SYNJ1: variants seen among roughly 807,000 people sequenced by gnomAD.
The protein encoded by SYNJ1 is polyphosphatidylinositol phosphatase SYNJ1.
SYNJ1 carries 78 observed loss-of-function variants against 168.2 expected under a neutral mutation model. The observed-to-expected ratio is 0.46, with a 90% CI of 0.39 to 0.56. The LOEUF (loss-of-function observed/expected upper bound fraction) is 0.56. SYNJ1 is among the 20% of genes least tolerant of loss of function. The probability of loss-of-function intolerance (pLI) is 0.00; values close to 1 mark genes in which losing one functional copy is unlikely to be tolerated. For missense variants in SYNJ1, 1,303 were observed against 1,597.6 expected (o/e 0.82, Z 3.14); for synonymous variants, 539 against 548.6 (o/e 0.98, Z 0.24).
intron 12 of SYNJ1, among the ~76,000 whole-genome samples, chr21:32,676,960 C>T (rs1266476977): frequency 1.3e-5 from 2 of 152,124 alleles, no homozygotes; most frequent in African/African-American, 2.4e-5. Context: ...AGTAGCAAGA[C>T]ATTATACATG....
chr21:32,656,939 T>G (rs762498640), intron 20 of SYNJ1, 37 bp from the exon 21 acceptor site: 6 of 1,610,934 alleles, frequency 3.7e-6, no homozygotes, highest in Admixed American at 3.4e-5. Flanking sequence ...ATTAGAAATG[T>G]TTTTAAAAGG....
intron 2 of SYNJ1, among the ~76,000 whole-genome samples, chr21:32,725,041 C>A (rs548892483): frequency 3.3e-5 from 5 of 152,214 alleles, no homozygotes; most frequent in Non-Finnish European, 7.4e-5. Flanking sequence ...GCATAAAAGA[C>A]GGCTGCTGGA....
intron 31 of SYNJ1, among the ~76,000 whole-genome samples, chr21:32,635,228 T>C (rs1226765023): frequency 6.6e-6 from 1 of 152,192 alleles, no homozygotes; most frequent in Non-Finnish European, 1.5e-5. Context: ...CAAATTCATA[T>C]GTTGATTCCA....
chr21:32,655,371 G>C (rs1429745873), intron 21 of SYNJ1, among the ~76,000 whole-genome samples: 1 of 152,170 alleles, frequency 6.6e-6, no homozygotes, highest in African/African-American at 2.4e-5. Context: ...GTACTTTCAA[G>C]AACCTTAAGA....
rs188892266 is a variant in SYNJ1, at chr21:32,694,234, C to T, written c.783G>A (p.Gly261=). The T allele has an allele frequency of 1.2e-5, 19 of 1,534,664 alleles. No individual in the cohort carries two copies. The highest frequency in any genetic ancestry group is 3.5e-6 in the Non-Finnish European group (4 of 1,147,806). ...CTGAATGTCAAACACATACTTGCAACCCTGGTTGCTCCCAGAACAATGGAA... is the reference window on the plus strand; with the variant it reads ...CTGAATGTCAAACACATACTTGCAATCCTGGTTGCTCCCAGAACAATGGAA... The part of the protein sequence containing the change: ...GSVPLFWEQP[G]LQVGSHRVRM... Residue 261 remains glycine (G), a synonymous_variant, in exon 6 of 33, where the codon GGG becomes GGA. Coordinates refer to ENST00000674351, the MANE Select transcript of SYNJ1 (RefSeq NM_203446.3).
At chr21:32,632,986 C>A (rs541488009) in intron 32 of SYNJ1, among the ~76,000 whole-genome samples, 38 of 152,230 alleles carry the variant, frequency 2.5e-4, no homozygotes, top group African/African-American at 9.1e-4. Context: ...CACCACCGCA[C>A]TCCAGCTTGG....
At chr21:32,641,692 C>T (rs953943060) in intron 29 of SYNJ1, among the ~76,000 whole-genome samples, 1 of 152,066 alleles carries the variant, frequency 6.6e-6, no homozygotes, top group African/African-American at 2.4e-5. Flanking sequence ...TCACTTTTAT[C>T]CAAATAATGA....
chr21:32,720,134 G>A (rs1396667136), intron 2 of SYNJ1, among the ~76,000 whole-genome samples: 3 of 152,150 alleles, frequency 2.0e-5, no homozygotes, highest in African/African-American at 7.2e-5. Flanking sequence ...AGCTACTTGG[G>A]AGGCTGAGGC....
chr21:32,668,157 C>T (rs1350047078), intron 15 of SYNJ1, among the ~76,000 whole-genome samples: 1 of 151,942 alleles, frequency 6.6e-6, no homozygotes, highest in Non-Finnish European at 1.5e-5. Context: ...CTCCGTCTCC[C>T]AGGTTCAAGC....
chr21:32,707,666 C>T (rs998777909), intron 2 of SYNJ1, among the ~76,000 whole-genome samples: 1 of 152,054 alleles, frequency 6.6e-6, no homozygotes, highest in Admixed American at 6.6e-5. Flanking sequence ...AATACCTAAC[C>T]TAACACAGAG....
At chr21:32,698,475 G>A (rs1393280741) in intron 4 of SYNJ1, among the ~76,000 whole-genome samples, 1 of 152,150 alleles carries the variant, frequency 6.6e-6, no homozygotes, top group Non-Finnish European at 1.5e-5. Context: ...GAACTGTTAA[G>A]GGAGGCCAAG....
intron 9 of SYNJ1, among the ~76,000 whole-genome samples, chr21:32,685,507 G>C (rs1275278614): frequency 6.6e-6 from 1 of 151,244 alleles, no homozygotes; most frequent in Non-Finnish European, 1.5e-5. Context: ...GCTGAGGTGA[G>C]AGGATCTCCT....
In SYNJ1 at chr21:32,702,749, T is replaced by C. The variant is rs111857785; in HGVS notation, c.125-702A>G. 2.3e-3 allele frequency among the ~76,000 whole-genome samples: 347 copies of C among 152,330 alleles called. 1 individual carries two copies. The highest frequency in any genetic ancestry group is 7.6e-3 in the African/African-American group (317 of 41,586). ...TCCAGGTTTCTTTCCTTCTTTGCTTTTTTCCCTTTTCCATTATCTACACCA... is the reference window on the plus strand; with the variant it reads ...TCCAGGTTTCTTTCCTTCTTTGCTTCTTTCCCTTTTCCATTATCTACACCA... On this transcript the variant is annotated intron_variant, in intron 2 of 32. Transcript: ENST00000674351.
Position 32,642,085 on chromosome 21 carries a change from G to A in SYNJ1, c.3517+10C>T, listed in dbSNP as rs1373208718. ...TTTAAGGGTGAATAGCTACATTCAAGTGTTTTTACCTATATTATCTTTCCT... is the reference window on the plus strand; with the variant it reads ...TTTAAGGGTGAATAGCTACATTCAAATGTTTTTACCTATATTATCTTTCCT... On this transcript the variant is annotated intron_variant, in intron 28 of 32. Transcript: ENST00000674351. The A allele has an allele frequency of 6.2e-6, 10 of 1,613,946 alleles. No homozygotes were observed. In the Admixed American group the frequency reaches 1.0e-4, roughly 16 times the overall value.
At chr21:32,700,352 A>G (rs2146215539) in intron 3 of SYNJ1, among the ~76,000 whole-genome samples, 1 of 152,328 alleles carries the variant, frequency 6.6e-6, no homozygotes, top group East Asian at 1.9e-4. Context: ...TCTGAGGCTA[A>G]AAAAACTTTA....
chr21:32,640,859 C>T (rs1176711433), intron 29 of SYNJ1, among the ~76,000 whole-genome samples: 1 of 152,152 alleles, frequency 6.6e-6, no homozygotes, highest in African/African-American at 2.4e-5. Flanking sequence ...AGGATCTAAG[C>T]TAACAATATT....
chr21:32,686,979 TG>T lies in SYNJ1; in HGVS notation c.946del (p.Gln316ArgfsTer4). 6.5e-7 allele frequency: 1 copy of T among 1,530,598 alleles called. No homozygotes were observed. The highest frequency in any genetic ancestry group is 1.3e-5 in the South Asian group (1 of 78,498). 94.8% of individuals were successfully genotyped at this position (1,530,598 alleles called of 1,614,324 possible). On this transcript the variant is annotated frameshift_variant and splice_region_variant, in exon 8 of 33. Coordinates refer to ENST00000674351, the MANE Select transcript of SYNJ1 (RefSeq NM_203446.3). LOFTEE classifies it high-confidence loss of function. ...GAAATAAGAAATGACCATACTTACC[TG>T]GAAAGCTTTACTTAGCATATGTTCA... ...EGEHMLSKAF[Q>X]SHLKASEHAA... is the part of the protein sequence containing the mutation.
At position 32,643,411 on chromosome 21, in the gene SYNJ1, T is replaced by G. The variant is rs2039931747; in HGVS notation, c.3477A>C (p.Glu1159Asp). 6.2e-7 allele frequency: 1 copy of G among 1,613,558 alleles called. No individual in the cohort carries two copies. Among genetic ancestry groups the G allele is most frequent in the Admixed American group, 1.7e-5 (1 of 59,924 alleles). ...TCTATAATGCAAGAGTCTTGTTACC[T>G]TCCATCTCTCTCCTAGCTACCCCAG... is the stretch of plus-strand genomic sequence containing the variant. The part of the protein sequence containing the change: ...PSPGVARREM[E>D]APKSPGTTRK... The change falls in exon 27 of 33, where the codon GAA becomes GAC. Residue 1159 changes from glutamate to aspartate, a missense_variant and splice_region_variant. Transcript: ENST00000674351.
intron 23 of SYNJ1, among the ~76,000 whole-genome samples, chr21:32,649,000 T>C (rs1190865974): frequency 1.3e-5 from 2 of 152,258 alleles, no homozygotes; most frequent in Non-Finnish European, 2.9e-5. Flanking sequence ...CTCTATAGCA[T>C]TAATTCCATT....
Sources: gnomAD v4.1 joint callset for allele counts (sites outside exome capture counted in the v4.1 genomes callset) on GRCh38, gnomAD v4.1.1 for gene constraint, MANE v1.5 for transcripts, NCBI Gene and HGNC (gene_info 2026-07-23, HGNC 2026-07-21) for gene names.